The following GPC6 variants were observed in gnomAD, a reference collection of about 807,000 sequenced individuals.
GPC6 encodes the protein glypican-6.
GPC6 carries 14 observed loss-of-function variants against 55.2 expected under a neutral mutation model. The ratio of observed to expected loss-of-function variants is 0.25; its 90% CI spans 0.17 to 0.40. GPC6 has a LOEUF of 0.40. Among genes scored for constraint, GPC6 ranks in the 10% least tolerant of loss-of-function variants. The probability of loss-of-function intolerance (pLI) is 1.00; values close to 1 mark genes in which losing one functional copy is unlikely to be tolerated. For missense variants in GPC6, 641 were observed against 708.5 expected (o/e 0.90, Z 1.08); for synonymous variants, 278 against 259.6 (o/e 1.07, Z -0.68).
chr13:93,389,325 G>A (rs891311923), intron 1 of GPC6, among the ~76,000 whole-genome samples: 3 of 150,484 alleles, frequency 2.0e-5, no homozygotes, highest in Non-Finnish European at 3.0e-5. Context: ...GTGAAACCCC[G>A]TCTCTACTAA....
At chr13:93,461,675 G>T (rs200480821) in intron 1 of GPC6, among the ~76,000 whole-genome samples, 4 of 151,628 alleles carry the variant, frequency 2.6e-5, no homozygotes, top group Non-Finnish European at 4.4e-5. Context: ...GGGGGGTTGG[G>T]GGGGGGTGTT....
At chr13:93,751,693 T>A (rs1884598437) in intron 2 of GPC6, among the ~76,000 whole-genome samples, 1 of 151,812 alleles carries the variant, frequency 6.6e-6, no homozygotes, top group Non-Finnish European at 1.5e-5. Flanking sequence ...GGCTAATTTT[T>A]AAATTTTTTT....
At chr13:93,455,583 C>G (rs1304720414) in intron 1 of GPC6, among the ~76,000 whole-genome samples, 1 of 151,746 alleles carries the variant, frequency 6.6e-6, no homozygotes, top group Admixed American at 6.6e-5. Context: ...AAATCAAGAG[C>G]CAGGAAAGAA....
intron 6 of GPC6, among the ~76,000 whole-genome samples, chr13:94,333,741 G>A (rs1368215713): frequency 1.3e-5 from 2 of 152,176 alleles, no homozygotes; most frequent in African/African-American, 4.8e-5. Context: ...AGTAGCAGAG[G>A]TAGGATTCAA....
intron 4 of GPC6, among the ~76,000 whole-genome samples, chr13:94,234,673 T>C (rs1229495605): frequency 6.6e-6 from 1 of 152,164 alleles, no homozygotes; most frequent in African/African-American, 2.4e-5. Context: ...AATTCTGGTA[T>C]TGACCTATTA....
chr13:93,950,275 G>A (rs891763562), intron 3 of GPC6, among the ~76,000 whole-genome samples: 13 of 152,086 alleles, frequency 8.5e-5, no homozygotes, highest in African/African-American at 2.4e-4. Context: ...TAATGAAAAC[G>A]TTAGAAGCCT....
chr13:94,256,031 G>C (rs1200688278), intron 4 of GPC6, among the ~76,000 whole-genome samples: 1 of 152,088 alleles, frequency 6.6e-6, no homozygotes, highest in South Asian at 2.1e-4. Context: ...GCATATAAAA[G>C]GTTAAGAAGC....
chr13:93,809,343 C>A (rs74108845), intron 2 of GPC6, among the ~76,000 whole-genome samples: 4,390 of 152,302 alleles, frequency 0.029, 77 homozygotes, highest in South Asian at 0.065. Context: ...TAATTTTCTT[C>A]ATTTCAGTTA....
chr13:93,399,895 G>A (rs1162027754), intron 1 of GPC6, among the ~76,000 whole-genome samples: 1 of 152,214 alleles, frequency 6.6e-6, no homozygotes, highest in Admixed American at 6.5e-5. Flanking sequence ...TTTTAGCTCA[G>A]AAGGAATAAA....
At chr13:93,626,202 G>A (rs1362561071) in intron 2 of GPC6, among the ~76,000 whole-genome samples, 7 of 152,028 alleles carry the variant, frequency 4.6e-5, no homozygotes, top group African/African-American at 1.7e-4. Context: ...CCTAAAGCAG[G>A]GCCAGCTACA....
chr13:93,452,484 T>C (rs1046604657), intron 1 of GPC6, among the ~76,000 whole-genome samples: 2 of 152,230 alleles, frequency 1.3e-5, no homozygotes, highest in African/African-American at 4.8e-5. Flanking sequence ...TCAGCGCTTC[T>C]TTGAGAATTA....
At chr13:93,713,183 T>C (rs111768820) in intron 2 of GPC6, among the ~76,000 whole-genome samples, 1,658 of 151,528 alleles carry the variant, frequency 0.011, 40 homozygotes, top group African/African-American at 0.038. Flanking sequence ...AATATTAAGA[T>C]TAAAAATTTA....
intron 1 of GPC6, among the ~76,000 whole-genome samples, chr13:93,310,461 C>A (rs1027590402): frequency 6.6e-6 from 1 of 152,172 alleles, no homozygotes; most frequent in African/African-American, 2.4e-5. Flanking sequence ...GGAAACACAA[C>A]ATTCACATTT....
intron 1 of GPC6, among the ~76,000 whole-genome samples, chr13:93,466,369 ATT>A (rs1232628038): frequency 6.6e-6 from 1 of 152,162 alleles, no homozygotes; most frequent in Non-Finnish European, 1.5e-5. Flanking sequence ...ATATTTACTC[ATT>A]TTTTAACAGT....
Position 94,013,913 on chromosome 13 carries a change from C to T in GPC6, c.712-13816C>T, listed in dbSNP as rs1446686286. ...TTATCCCAGACTCAGAAAGTGCTGTCGTTTTATGGCTTGCAAATGCTTCAT... is the reference window on the plus strand; with the variant it reads ...TTATCCCAGACTCAGAAAGTGCTGTTGTTTTATGGCTTGCAAATGCTTCAT... On this transcript the variant is annotated intron_variant, in intron 3 of 8. Coordinates refer to ENST00000377047, the MANE Select transcript of GPC6 (RefSeq NM_005708.5). 3.3e-5 allele frequency among the ~76,000 whole-genome samples: 5 copies of T among 152,236 alleles called. No individual in the cohort carries two copies. In the South Asian group the frequency reaches 6.2e-4, roughly 19 times the overall value.
chr13:94,233,831 T>C (rs988421670), intron 4 of GPC6, among the ~76,000 whole-genome samples: 4 of 152,188 alleles, frequency 2.6e-5, no homozygotes, highest in Non-Finnish European at 5.9e-5. Flanking sequence ...GTACATATTA[T>C]ACTTTCTCAT....
At chr13:93,974,345 A>G (rs1880424662) in intron 3 of GPC6, among the ~76,000 whole-genome samples, 2 of 152,214 alleles carry the variant, frequency 1.3e-5, no homozygotes, top group Admixed American at 6.5e-5. Flanking sequence ...GAAAAGGTCA[A>G]AATAATATAA....
chr13:94,037,223 G>A (rs868243414), intron 4 of GPC6, among the ~76,000 whole-genome samples: 5 of 151,892 alleles, frequency 3.3e-5, no homozygotes, highest in African/African-American at 7.3e-5. Flanking sequence ...TCATTAGCCA[G>A]CCTTGCAGTA....
chr13:94,096,964 AG>A (rs1209915919), intron 4 of GPC6, among the ~76,000 whole-genome samples: 1 of 152,152 alleles, frequency 6.6e-6, no homozygotes, highest in Non-Finnish European at 1.5e-5. Flanking sequence ...AGAAAAATGT[AG>A]TTCTCACAGT....
Sources: allele counts gnomAD v4.1 joint callset (sites outside exome capture counted in the v4.1 genomes callset), GRCh38; gene constraint gnomAD v4.1.1; transcripts MANE v1.5; gene names NCBI Gene and HGNC (gene_info 2026-07-23, HGNC 2026-07-21).